Variants in OTUD7B observed in about 807,000 individuals in gnomAD.
The protein encoded by OTUD7B is OTU domain-containing protein 7B.
In OTUD7B, 34 loss-of-function variants were observed where a neutral mutation model predicts 82.2. The observed-to-expected ratio is 0.41, with a 90% CI of 0.31 to 0.55. The LOEUF is 0.55. Ranked by LOEUF, OTUD7B falls within the 20% of genes least tolerant of loss-of-function variation. OTUD7B has a pLI of 0.20. For missense variants in OTUD7B, 944 were observed against 1,062.1 expected, an observed-to-expected ratio of 0.89 and a Z score of 1.55; for synonymous variants, 398 against 402.7, an observed-to-expected ratio of 0.99 and a Z score of 0.14.
intron 7 of OTUD7B, 146 bp from the exon 8 acceptor site, chr1:149,950,367 G>A (rs781907360): frequency 2.7e-6 from 2 of 743,770 alleles, no homozygotes; most frequent in Non-Finnish European, 4.3e-6. Context: ...CACTGATATA[G>A]CTGATTATTT....
At chr1:150,024,690 G>C in the OTUD7B span, among the ~76,000 whole-genome samples, 3 of 152,184 alleles carry the variant, frequency 2.0e-5, no homozygotes, top group African/African-American at 7.2e-5. Context: ...CTAAAGAATT[G>C]ATGGTTTCTC....
At chr1:150,059,248 T>G in the OTUD7B span, among the ~76,000 whole-genome samples, 2 of 135,870 alleles carry the variant, frequency 1.5e-5, no homozygotes, top group African/African-American at 2.9e-5. Context: ...AGAGACAGGG[T>G]TTCACCATCT....
intron 1 of OTUD7B, among the ~76,000 whole-genome samples, chr1:149,981,383 A>C (rs1180516769): frequency 6.6e-6 from 1 of 152,208 alleles, no homozygotes; most frequent in Non-Finnish European, 1.5e-5. Flanking sequence ...TGTCTACTTT[A>C]TTACTGGACA....
rs76350959 is a variant in OTUD7B, at chr1:149,944,134, C to T, written c.2255G>A (p.Gly752Asp). The T allele has an allele frequency of 6.2e-7, 1 of 1,613,478 alleles. No homozygotes were observed. Among genetic ancestry groups the T allele is most frequent in the Non-Finnish European group, 8.5e-7 (1 of 1,179,910 alleles). The change falls in exon 12 of 12, where the codon GGC becomes GAC. Residue 752 changes from glycine to aspartate, a missense_variant. Coordinates refer to ENST00000581312, the MANE Select transcript of OTUD7B (RefSeq NM_020205.4). ...GTGAAGTCCATCCTTAGAGTGGCTG[C>T]CTGGCTCCAGAGAAGGGATGCTGTC... ...HQDSIPSLEPGSHSKDGLHRG... is the reference protein window; with the variant it reads ...HQDSIPSLEPDSHSKDGLHRG...
chr1:150,034,783 T>G, the OTUD7B span, among the ~76,000 whole-genome samples: 660 of 152,330 alleles, frequency 4.3e-3, 4 homozygotes, highest in African/African-American at 0.015. Context: ...GGCTTTGACT[T>G]GTTCAAAATA....
At chr1:149,989,134 A>AAATTAATTTCCCTCAGCATACAAGTACT in intron 1 of OTUD7B, among the ~76,000 whole-genome samples, 1 of 152,262 alleles carries the variant, frequency 6.6e-6, no homozygotes, top group South Asian at 2.1e-4. Context: ...TTCTTCTGGT[A>AAATTAATTTCCCTCAGCATACAAGTACT]AATTAATTTC....
chr1:150,013,920 C>CAAAAAAAA (rs1207073066), upstream of OTUD7B, among the ~76,000 whole-genome samples: 1 of 54,630 alleles, frequency 1.8e-5, no homozygotes, highest in African/African-American at 9.3e-5. Context: ...GACTCTGTCT[C>CAAAAAAAA]AAAAAAAAAA....
the OTUD7B span, among the ~76,000 whole-genome samples, chr1:150,043,286 C>CT: frequency 6.6e-6 from 1 of 151,976 alleles, no homozygotes; most frequent in Admixed American, 6.6e-5. Context: ...AGCAGATCAA[C>CT]TAGGTAAAAA....
At chr1:150,009,025 T>C (rs782650479) in intron 1 of OTUD7B, among the ~76,000 whole-genome samples, 6 of 152,190 alleles carry the variant, frequency 3.9e-5, no homozygotes, top group Admixed American at 6.5e-5. Context: ...CTTCAAAATA[T>C]CAATAGACTA....
intron 6 of OTUD7B, among the ~76,000 whole-genome samples, chr1:149,960,389 C>CATTTT (rs1571626621): frequency 2.4e-4 from 1 of 4,122 alleles, no homozygotes; most frequent in East Asian, 7.8e-3. Flanking sequence ...CTTTTCTTTC[C>CATTTT]TTTTTTTCTT....
the OTUD7B span, among the ~76,000 whole-genome samples, chr1:150,063,015 T>C: frequency 6.7e-6 from 1 of 150,338 alleles, no homozygotes; most frequent in African/African-American, 2.5e-5. Flanking sequence ...AGGCTGGCCC[T>C]GACTTATACT....
At chr1:150,021,133 A>C in the OTUD7B span, among the ~76,000 whole-genome samples, 1 of 152,178 alleles carries the variant, frequency 6.6e-6, no homozygotes, top group Admixed American at 6.5e-5. Context: ...TCTTTCTCTC[A>C]AAACACACAC....
chr1:149,968,611 C>T (rs914576191), intron 3 of OTUD7B, among the ~76,000 whole-genome samples: 10 of 152,174 alleles, frequency 6.6e-5, no homozygotes, highest in African/African-American at 2.4e-4. Context: ...GCATGTTGGG[C>T]TGTTCTTAAT....
intron 7 of OTUD7B, among the ~76,000 whole-genome samples, chr1:149,951,449 T>G (rs1300086305): frequency 6.6e-6 from 1 of 152,196 alleles, no homozygotes; most frequent in East Asian, 1.9e-4. Context: ...ATCTTTAGTC[T>G]ACCACACTGT....
intron 2 of OTUD7B, among the ~76,000 whole-genome samples, chr1:149,971,878 A>C (rs1419753710): frequency 6.6e-6 from 1 of 152,224 alleles, no homozygotes; most frequent in Non-Finnish European, 1.5e-5. Flanking sequence ...ATTATTCAAC[A>C]AATATGCATT....
At chr1:150,054,225 T>C in the OTUD7B span, 58,642 of 433,090 alleles carry the variant, frequency 0.14, 4,627 homozygotes, top group African/African-American at 0.18. Flanking sequence ...GAAGATGTGC[T>C]TTCAAAGCTG....
chr1:149,941,074 T>A lies in OTUD7B; in HGVS notation c.*2783A>T, dbSNP rs1553770324. Reference sequence around the variant, plus strand: ...AGGCCTAAAGCCCCATTTTACCATATTCACCCCTAGACCACCCCTCAAAAT... The same window carrying A: ...AGGCCTAAAGCCCCATTTTACCATAATCACCCCTAGACCACCCCTCAAAAT... On this transcript the variant is annotated 3_prime_UTR_variant, in exon 12 of 12. Transcript: ENST00000581312. 1 of 152,186 alleles carries A rather than the reference T, an allele frequency of 6.6e-6. No individual in the cohort carries two copies. Among genetic ancestry groups the A allele is most frequent in the East Asian group, 1.9e-4 (1 of 5,200 alleles). The allele number at this position is 152,186 out of a possible 1,614,324, so 9.4% of individuals were successfully genotyped here.
chr1:150,042,107 C>CTCCA, the OTUD7B span, among the ~76,000 whole-genome samples: 1 of 39,286 alleles, frequency 2.5e-5, no homozygotes, highest in Non-Finnish European at 5.0e-5. Flanking sequence ...GGTGCAGACC[C>CTCCA]TCCCTCCCTC....
chr1:149,980,726 G>C (rs1356404636), intron 1 of OTUD7B, among the ~76,000 whole-genome samples: 3 of 151,650 alleles, frequency 2.0e-5, no homozygotes, highest in Non-Finnish European at 4.4e-5. Context: ...AAAACAAAAA[G>C]TTTGGGCTGG....
Sources: allele counts gnomAD v4.1 joint callset (sites outside exome capture counted in the v4.1 genomes callset), GRCh38; gene constraint gnomAD v4.1.1; transcripts MANE v1.5; gene names NCBI Gene and HGNC (gene_info 2026-07-23, HGNC 2026-07-21).